Variants in STXBP5L observed in about 807,000 individuals in gnomAD.
STXBP5L encodes the protein syntaxin-binding protein 5-like.
STXBP5L carries 65 observed loss-of-function variants against 144.5 expected under a neutral mutation model. The observed-to-expected ratio is 0.45, with a 90% CI of 0.37 to 0.55. The LOEUF (loss-of-function observed/expected upper bound fraction) is 0.55. Among genes scored for constraint, STXBP5L ranks in the 20% least tolerant of loss-of-function variants. The pLI is 0.00. For missense variants in STXBP5L, 1,298 were observed against 1,405.5 expected (o/e 0.92, Z 1.22); for synonymous variants, 505 against 469.6 (o/e 1.08, Z -0.97).
chr3:121,383,161 G>A (rs923224094), intron 22 of STXBP5L, among the ~76,000 whole-genome samples: 2 of 151,984 alleles, frequency 1.3e-5, no homozygotes, highest in Non-Finnish European at 2.9e-5. Context: ...AAATTGCTGG[G>A]TGCAGTGGCT....
intron 20 of STXBP5L, among the ~76,000 whole-genome samples, chr3:121,328,582 CT>C (rs1282308240): frequency 1.3e-5 from 2 of 152,052 alleles, no homozygotes; most frequent in Non-Finnish European, 2.9e-5. Flanking sequence ...AAGCCCGTCT[CT>C]ACTAAAAATA....
intron 5 of STXBP5L, among the ~76,000 whole-genome samples, chr3:121,057,727 G>A (rs1057433060): frequency 6.6e-6 from 1 of 151,446 alleles, no homozygotes; most frequent in Non-Finnish European, 1.5e-5. Flanking sequence ...TTCTATTTTA[G>A]TTCTCTTTCT....
intron 9 of STXBP5L, among the ~76,000 whole-genome samples, chr3:121,190,040 GT>G (rs1465546638): frequency 1.3e-5 from 2 of 151,186 alleles, no homozygotes; most frequent in East Asian, 1.9e-4. Context: ...ATAAGCTTTG[GT>G]TTTTTGTCCC....
intron 20 of STXBP5L, among the ~76,000 whole-genome samples, chr3:121,355,995 G>C (rs975828946): frequency 6.6e-6 from 1 of 152,218 alleles, no homozygotes; most frequent in Non-Finnish European, 1.5e-5. Context: ...TCGAGACCCT[G>C]TTTGCCTGGG....
At chr3:121,368,442 G>T (rs1488708424) in intron 20 of STXBP5L, among the ~76,000 whole-genome samples, 1 of 151,512 alleles carries the variant, frequency 6.6e-6, no homozygotes, top group Admixed American at 6.6e-5. Context: ...TTGTTTTAAA[G>T]TATTTATCTA....
chr3:121,142,769 A>G (rs2045558864), intron 7 of STXBP5L, among the ~76,000 whole-genome samples: 1 of 151,902 alleles, frequency 6.6e-6, no homozygotes, highest in Non-Finnish European at 1.5e-5. Context: ...GGGAAGTTCT[A>G]GCAATAAATG....
At chr3:121,248,783 A>G (rs116551693) in intron 14 of STXBP5L, among the ~76,000 whole-genome samples, 3,071 of 152,284 alleles carry the variant, frequency 0.02, 93 homozygotes, top group African/African-American at 0.068. Flanking sequence ...TTGAGGTATT[A>G]CATTTAAATC....
rs539682959 is a variant in STXBP5L at position 121,206,140 on chromosome 3, G to T, written c.956+139G>T. On this transcript the variant is annotated intron_variant, in intron 10 of 26. Transcript: ENST00000471454. Reference sequence around the variant, plus strand: ...TCCTCAATATTAACATAATTGACTTGTCTCATAGACATATCTCTGATGATT... The same window carrying T: ...TCCTCAATATTAACATAATTGACTTTTCTCATAGACATATCTCTGATGATT... The T allele has an allele frequency of 5.3e-5, 24 of 451,242 alleles. 1 individual carries two copies. The South Asian group carries it at 1.1e-3, about 20-fold the overall frequency. 28.0% of individuals were successfully genotyped at this position (451,242 alleles called of 1,614,324 possible).
Position 121,318,500 on chromosome 3 carries a change from A to C in STXBP5L, c.2136A>C (p.Pro712=). 1 of 1,563,966 alleles carries C rather than the reference A, an allele frequency of 6.4e-7. No homozygotes were observed. Among genetic ancestry groups the C allele is most frequent in the South Asian group, 1.2e-5 (1 of 81,802 alleles). The change falls in exon 20 of 27, where the codon CCA becomes CCC. Residue 712 remains proline, a synonymous_variant. Transcript: ENST00000471454. Reference sequence around the variant, plus strand: ...GTTTAACTGAACTGAATGACAGTCCAGTTCCCCTAGAACTTGAGCGCTGCA... The same window carrying C: ...GTTTAACTGAACTGAATGACAGTCCCGTTCCCCTAGAACTTGAGCGCTGCA... ...IAGLTELNDS[P]VPLELERCKS...
intron 9 of STXBP5L, among the ~76,000 whole-genome samples, chr3:121,184,777 G>A (rs1271606600): frequency 6.6e-6 from 1 of 152,076 alleles, no homozygotes; most frequent in Non-Finnish European, 1.5e-5. Context: ...ATTCGCCAAG[G>A]TTGAAATGAA....
chr3:121,246,248 G>T (rs2049849228), intron 14 of STXBP5L, among the ~76,000 whole-genome samples: 1 of 152,166 alleles, frequency 6.6e-6, no homozygotes. Context: ...CTTCTTATGA[G>T]AATCTAACTA....
intron 10 of STXBP5L, among the ~76,000 whole-genome samples, chr3:121,213,670 T>TTTGTTG (rs3072494): frequency 6.6e-6 from 1 of 151,430 alleles, no homozygotes; most frequent in Non-Finnish European, 1.5e-5. Context: ...GGCCTGAAAT[T>TTTGTTG]TTGTTGTTGT....
chr3:120,934,067 A>C (rs1193876643), intron 2 of STXBP5L, among the ~76,000 whole-genome samples: 1 of 135,926 alleles, frequency 7.4e-6, no homozygotes, highest in African/African-American at 2.7e-5. Flanking sequence ...GCTCTAATTT[A>C]TTTCTTTCCC....
intron 3 of STXBP5L, among the ~76,000 whole-genome samples, chr3:120,968,847 G>A (rs9811698): frequency 0.21 from 32,453 of 151,878 alleles, 3,695 homozygotes; most frequent in Non-Finnish European, 0.26. Flanking sequence ...ATGGCCTCCC[G>A]CTCCATCTAA....
chr3:120,978,813 A>G (rs1262182282), intron 3 of STXBP5L, among the ~76,000 whole-genome samples: 1 of 152,232 alleles, frequency 6.6e-6, no homozygotes, highest in African/African-American at 2.4e-5. Context: ...GGTCCACTCC[A>G]GACCCTGTTT....
In STXBP5L at chr3:121,279,908, TACCAGCGACA is replaced by T; in HGVS notation, c.2067_2076del (p.Gln689HisfsTer14). The T allele has an allele frequency of 6.2e-7, 1 of 1,612,606 alleles. No homozygotes were observed. The highest frequency in any genetic ancestry group is 8.5e-7 in the Non-Finnish European group (1 of 1,178,920). ...TGACCTATATAGATCAAGTGACTTA[TACCAGCGACA>T]ACCACGGTCTCCTCGAAAAAACAAA... On this transcript the variant is annotated frameshift_variant, in exon 19 of 27. Transcript: ENST00000471454. LOFTEE classifies it high-confidence loss of function.
At chr3:121,368,568 A>T (rs2045934216) in intron 20 of STXBP5L, among the ~76,000 whole-genome samples, 1 of 151,662 alleles carries the variant, frequency 6.6e-6, no homozygotes, top group Non-Finnish European at 1.5e-5. Flanking sequence ...TTTAAAAGGG[A>T]ACTTTTTAAT....
At chr3:121,095,828 A>C (rs1425159842) in intron 5 of STXBP5L, among the ~76,000 whole-genome samples, 1 of 152,110 alleles carries the variant, frequency 6.6e-6, no homozygotes, top group Admixed American at 6.5e-5. Context: ...GTTGCTGGTG[A>C]GGAACTGTGT....
At chr3:121,270,535 C>T (rs2050705408) in intron 18 of STXBP5L, among the ~76,000 whole-genome samples, 1 of 152,036 alleles carries the variant, frequency 6.6e-6, no homozygotes, top group Non-Finnish European at 1.5e-5. Flanking sequence ...TAACTGCAAC[C>T]TTCACCTCCT....
Sources: allele counts gnomAD v4.1 joint callset (sites outside exome capture counted in the v4.1 genomes callset), GRCh38; gene constraint gnomAD v4.1.1; transcripts MANE v1.5; gene names NCBI Gene and HGNC (gene_info 2026-07-23, HGNC 2026-07-21).